GLG1: variants seen among roughly 807,000 people sequenced by gnomAD.
GLG1 encodes Golgi apparatus protein 1.
A neutral mutation model predicts 160.5 loss-of-function variants in GLG1; 38 were observed. The observed-to-expected ratio is 0.24, with a 90% CI of 0.18 to 0.31. The LOEUF is 0.31. Ranked by LOEUF, GLG1 falls within the 10% of genes least tolerant of loss-of-function variation. The probability of loss-of-function intolerance (pLI) is 1.00; values close to 1 mark genes in which losing one functional copy is unlikely to be tolerated. For missense variants in GLG1, 1,373 were observed against 1,505.2 expected, an observed-to-expected ratio of 0.91 and a Z score of 1.45; for synonymous variants, 644 against 543.4, an observed-to-expected ratio of 1.19 and a Z score of -2.57.
At chr16:74,605,000 C>G (rs976542668) in intron 1 of GLG1, among the ~76,000 whole-genome samples, 8 of 152,210 alleles carry the variant, frequency 5.3e-5, no homozygotes, top group Non-Finnish European at 8.8e-5. Flanking sequence ...GAGCCAAGTT[C>G]AAGCCACTGC....
chr16:74,507,274 G>A (rs1326418465), intron 3 of GLG1, among the ~76,000 whole-genome samples: 2 of 152,174 alleles, frequency 1.3e-5, no homozygotes, highest in East Asian at 1.9e-4. Context: ...CACATTATAT[G>A]GAAACCAGCC....
At chr16:74,561,617 T>G (rs1332013093) in intron 1 of GLG1, among the ~76,000 whole-genome samples, 2 of 152,334 alleles carry the variant, frequency 1.3e-5, no homozygotes, top group East Asian at 3.9e-4. Flanking sequence ...CAGCCAGTAC[T>G]AAAACTGTTA....
intron 1 of GLG1, chr16:74,552,229 C>T (rs1449746221): frequency 1.9e-6 from 1 of 539,170 alleles, no homozygotes; most frequent in Non-Finnish European, 3.7e-6. Context: ...CAGCCCCGGA[C>T]CTGGGCCCTG....
intron 1 of GLG1, among the ~76,000 whole-genome samples, chr16:74,564,332 C>T (rs778116342): frequency 3.3e-5 from 5 of 152,166 alleles, no homozygotes; most frequent in Non-Finnish European, 4.4e-5. Flanking sequence ...GTTTATCTTG[C>T]TCATTCTTTG....
In GLG1 at chr16:74,513,377, C is replaced by T. The variant is rs569091801; in HGVS notation, c.472-4452G>A. Among the ~76,000 whole-genome samples, 19 of 152,224 alleles carry T rather than the reference C, an allele frequency of 1.2e-4. No homozygotes were observed. In the East Asian group the frequency reaches 3.7e-3, roughly 30 times the overall value. ...AATATAGTCAGCCTACTGGGAGACA[C>T]CTCCCAGTAGGGGCCAACAGATATC... is the stretch of plus-strand genomic sequence containing the variant. On this transcript the variant is annotated intron_variant, in intron 2 of 25. Coordinates refer to ENST00000422840, the MANE Select transcript of GLG1 (RefSeq NM_001145667.2).
At chr16:74,487,414 C>T (rs2015831743) in intron 8 of GLG1, among the ~76,000 whole-genome samples, 1 of 150,688 alleles carries the variant, frequency 6.6e-6, no homozygotes, top group Admixed American at 6.6e-5. Context: ...ATCAGAGAAC[C>T]ATAATCAAAA....
Position 74,607,029 on chromosome 16 carries a change from T to A in GLG1, c.66A>T (p.Leu22=). 1.9e-6 allele frequency: 3 copies of A among 1,598,008 alleles called. No individual in the cohort carries two copies. Among genetic ancestry groups the A allele is most frequent in the Non-Finnish European group, 2.6e-6 (3 of 1,174,924 alleles). The part of the protein sequence containing the change: ...RLSAALHLLL[L]FAAGAEKLPG... ...GGAGTTTCTCGGCCCCGGCCGCGAA[T>A]AGCAGCAGCAGATGCAGCGCCGCCG... The change falls in exon 1 of 26, where the codon CTA becomes CTT. Residue 22 remains leucine (L), a synonymous_variant. Transcript: ENST00000422840.
At chr16:74,494,599 G>A (rs1013618875) in intron 6 of GLG1, among the ~76,000 whole-genome samples, 161 bp downstream of exon 6, 1 of 151,910 alleles carries the variant, frequency 6.6e-6, no homozygotes, top group East Asian at 1.9e-4. Flanking sequence ...TAGAGACGGC[G>A]TTTCACCATC....
intron 10 of GLG1, among the ~76,000 whole-genome samples, chr16:74,481,124 G>T (rs539868783): frequency 6.6e-6 from 1 of 152,298 alleles, no homozygotes; most frequent in East Asian, 1.9e-4. Context: ...TAGGAATGAA[G>T]TTCAATCCTA....
intron 13 of GLG1, among the ~76,000 whole-genome samples, chr16:74,473,980 C>A (rs1597239778): frequency 6.6e-6 from 1 of 151,672 alleles, no homozygotes; most frequent in East Asian, 2.0e-4. Flanking sequence ...GAAACACAGT[C>A]TCCCACTCTG....
intron 5 of GLG1, 71 bp from the exon 6 acceptor site, chr16:74,494,902 A>C: frequency 1.4e-4 from 111 of 770,216 alleles, no homozygotes; most frequent in Non-Finnish European, 2.1e-4. Flanking sequence ...CCACAATCTC[A>C]TATAGAGCTT....
rs2143307991 is a variant in GLG1 at position 74,480,242 on chromosome 16, C to T, written c.1826G>A (p.Arg609Lys). ...ATGAAGTCGATATTCACTGCATACC[C>T]TCCTTCCCTGTTCCTCAGTGCGGTA... ...HAYRTEEQGR[R>K]LSRECRAEVQ... The change falls in exon 11 of 26, where the codon AGG (arginine) becomes AAG (lysine). Residue 609 changes from arginine (R) to lysine (K), a missense_variant and splice_region_variant. Coordinates refer to ENST00000422840, the MANE Select transcript of GLG1 (RefSeq NM_001145667.2). 6.2e-7 allele frequency: 1 copy of T among 1,607,220 alleles called. No homozygotes were observed.
At chr16:74,474,302 T>G (rs181536967) in intron 13 of GLG1, 2 of 425,338 alleles carry the variant, frequency 4.7e-6, no homozygotes. Context: ...ATGACTATGA[T>G]AAACCTAATT....
intron 25 of GLG1, among the ~76,000 whole-genome samples, chr16:74,455,834 T>A (rs12600126): frequency 0.33 from 50,207 of 152,070 alleles, 8,675 homozygotes; most frequent in African/African-American, 0.44. Context: ...GACGAAACAG[T>A]CATTATACTT....
intron 13 of GLG1, among the ~76,000 whole-genome samples, chr16:74,473,211 CT>C (rs893994427): frequency 1.8e-3 from 272 of 148,868 alleles, no homozygotes; most frequent in East Asian, 7.9e-3. Flanking sequence ...TCTAATCCCC[CT>C]TTTTTTTTTT....
intron 25 of GLG1, among the ~76,000 whole-genome samples, chr16:74,455,142 T>C (rs2014483655): frequency 6.6e-6 from 1 of 152,160 alleles, no homozygotes; most frequent in Non-Finnish European, 1.5e-5. Flanking sequence ...CTATCTTTCA[T>C]CCTCAGTTTT....
chr16:74,551,920 C>T (rs996676363), intron 1 of GLG1, among the ~76,000 whole-genome samples: 9 of 151,236 alleles, frequency 6.0e-5, no homozygotes, highest in African/African-American at 1.2e-4. Context: ...TAATTATAAA[C>T]GGAAGAAAAC....
intron 21 of GLG1, 96 bp from the exon 22 acceptor site, chr16:74,462,291 CAAGAACAAGAAAAAAACAAAAA>C: frequency 1.2e-6 from 1 of 808,978 alleles, no homozygotes; most frequent in Non-Finnish European, 2.0e-6. Context: ...ACAACAACCA[CAAGAACAAGAAAAAAACAAAAA>C]GAACAAGAAA....
chr16:74,506,604 A>AAAAAC (rs1555511216), intron 3 of GLG1, among the ~76,000 whole-genome samples: 1 of 142,940 alleles, frequency 7.0e-6, no homozygotes, highest in Non-Finnish European at 1.5e-5. Context: ...AAAAAAAAAA[A>AAAAAC]CTCAAGAGAA....
Sources: gnomAD v4.1 joint callset for allele counts (sites outside exome capture counted in the v4.1 genomes callset) on GRCh38, gnomAD v4.1.1 for gene constraint, MANE v1.5 for transcripts, NCBI Gene and HGNC (gene_info 2026-07-23, HGNC 2026-07-21) for gene names.